Variants in PAK1 observed in about 807,000 individuals in gnomAD.
PAK1 encodes p21 (RAC1) activated kinase 1.
PAK1 carries 29 observed loss-of-function variants against 67.4 expected under a neutral mutation model. That is an observed-to-expected ratio of 0.43 (90% CI 0.32 to 0.59). PAK1 has a LOEUF of 0.59. PAK1 is among the 20% of genes least tolerant of loss of function. The probability of loss-of-function intolerance (pLI) is 0.07; values close to 1 mark genes in which losing one functional copy is unlikely to be tolerated. For missense variants in PAK1, 337 were observed against 670.7 expected, an observed-to-expected ratio of 0.50 and a Z score of 5.50; for synonymous variants, 223 against 237.4, an observed-to-expected ratio of 0.94 and a Z score of 0.56.
Position 77,379,317 on chromosome 11 carries a change from C to T in PAK1, c.363G>A (p.Pro121=), listed in dbSNP as rs56241912. Residue 121 remains proline (P), a synonymous_variant, in exon 4 of 15, where the codon CCG becomes CCA. Transcript: ENST00000356341. ...NITKSEQKKN[P]QAVLDVLEFY... is the part of the protein sequence containing the mutation. ...ACTCCAACACATCCAGAACAGCCTG[C>T]GGGTTTTTCTTCTGCTCCGACTTAG... 5.1e-5 allele frequency: 83 copies of T among 1,613,794 alleles called. No individual in the cohort carries two copies. The highest frequency in any genetic ancestry group is 1.7e-4 in the Middle Eastern group (1 of 6,022).
intron 2 of PAK1, among the ~76,000 whole-genome samples, chr11:77,389,323 A>G (rs1331382689): frequency 1.3e-5 from 2 of 152,172 alleles, no homozygotes; most frequent in African/African-American, 2.4e-5. Flanking sequence ...TTATTTATCT[A>G]TTCATCAGCT....
chr11:77,470,162 T>C (rs1024823478), intron 1 of PAK1, among the ~76,000 whole-genome samples: 1 of 152,198 alleles, frequency 6.6e-6, no homozygotes, highest in African/African-American at 2.4e-5. Flanking sequence ...AACAACAGAA[T>C]TAATGTCTCA....
In PAK1 at chr11:77,380,010, G is replaced by T. The variant is rs776819418; in HGVS notation, c.191-16C>A. ...TTTTTATTTGCTGCAAGAGAAACAG[G>T]CAAAAGGAAATAAAAAACAGGAACA... is the stretch of plus-strand genomic sequence containing the variant. On this transcript the variant is annotated splice_polypyrimidine_tract_variant and intron_variant, in intron 2 of 14. Coordinates refer to ENST00000356341, the MANE Select transcript of PAK1 (RefSeq NM_002576.5). 2 of 1,578,974 alleles carry T rather than the reference G, an allele frequency of 1.3e-6. No homozygotes were observed. The highest frequency in any genetic ancestry group is 3.4e-5 in the Admixed American group (2 of 59,316).
At chr11:77,431,381 G>A (rs960386230) in intron 1 of PAK1, among the ~76,000 whole-genome samples, 2 of 152,090 alleles carry the variant, frequency 1.3e-5, no homozygotes, top group Non-Finnish European at 2.9e-5. Context: ...CTAAGGAACC[G>A]AAGTATGAAC....
rs1555152802 is a variant in PAK1 at position 77,365,270 on chromosome 11, A to AAG, written c.478-6254_478-6253insCT. On this transcript the variant is annotated intron_variant, in intron 5 of 14. Transcript: ENST00000356341. ...CTGTCTCAAAAAAAAAAAAAAAAAG[A>AAG]AAAAAGAAAAAAGAAAATGGACCCA... is the stretch of plus-strand genomic sequence containing the variant. Among the ~76,000 whole-genome samples the AAG allele has an allele frequency of 7.8e-3, 858 of 109,442 alleles. 67 individuals are homozygous for AAG. The highest frequency in any genetic ancestry group is 0.025 in the African/African-American group (749 of 29,856). 71.8% of individuals were successfully genotyped at this position (109,442 alleles called of 152,430 possible). A position where few individuals can be genotyped will look rare whatever the true frequency, so the allele number is the denominator to read the frequency against.
At chr11:77,349,312 G>T in intron 8 of PAK1, 25 bp from the exon 9 acceptor site, 1 of 1,580,440 alleles carries the variant, frequency 6.3e-7, no homozygotes, top group Non-Finnish European at 8.6e-7. Context: ...GGCGGAGAAA[G>T]AGGGAAAAAA....
chr11:77,490,146 G>C, the PAK1 span, among the ~76,000 whole-genome samples: 11 of 148,370 alleles, frequency 7.4e-5, no homozygotes, highest in Admixed American at 1.3e-4. Context: ...TGGCCGCCCC[G>C]TCTGAGAAGT....
the PAK1 span, among the ~76,000 whole-genome samples, chr11:77,502,972 A>G: frequency 1.3e-5 from 2 of 152,160 alleles, no homozygotes; most frequent in East Asian, 3.9e-4. Context: ...GAAAAAAATT[A>G]ACTTATGGAG....
chr11:77,512,073 C>T, the PAK1 span, among the ~76,000 whole-genome samples: 4 of 152,064 alleles, frequency 2.6e-5, no homozygotes, highest in Non-Finnish European at 5.9e-5. Context: ...GTCGATACTG[C>T]TAACATGGGA....
chr11:77,476,290 C>T (rs1958060930), upstream of PAK1: 1 of 152,216 alleles, frequency 6.6e-6, no homozygotes, highest in Admixed American at 6.5e-5. Context: ...TGTTGTTATC[C>T]TCACCCATCT....
In PAK1 at chr11:77,468,093, T is replaced by C. The variant is rs538121893; in HGVS notation, c.-22+5459A>G. Among the ~76,000 whole-genome samples the C allele has an allele frequency of 2.0e-3, 312 of 152,334 alleles. 3 individuals carry two copies. Among genetic ancestry groups the C allele is most frequent in the African/African-American group, 7.2e-3 (298 of 41,580 alleles). Reference sequence around the variant, plus strand: ...GATTCTATAAATTAGAAAATGCTCTTGCCAGCCTCAGTTAGTACTTAACAG... The same window carrying C: ...GATTCTATAAATTAGAAAATGCTCTCGCCAGCCTCAGTTAGTACTTAACAG... On this transcript the variant is annotated intron_variant, in intron 1 of 14. Transcript: ENST00000356341.
the PAK1 span, among the ~76,000 whole-genome samples, chr11:77,509,406 A>G: frequency 2.6e-4 from 39 of 152,076 alleles, no homozygotes; most frequent in Admixed American, 2.6e-3. Flanking sequence ...CCATTATAAA[A>G]TGTGATGTTC....
chr11:77,496,590 G>A, the PAK1 span, among the ~76,000 whole-genome samples: 4 of 151,816 alleles, frequency 2.6e-5, no homozygotes, highest in Non-Finnish European at 5.9e-5. Flanking sequence ...CTCCAGCCTG[G>A]ATAACAGAGC....
intron 9 of PAK1, among the ~76,000 whole-genome samples, chr11:77,344,877 C>G (rs1178141791): frequency 6.6e-6 from 1 of 152,128 alleles, no homozygotes; most frequent in Non-Finnish European, 1.5e-5. Context: ...CATGATCTGG[C>G]CCCTACTTTA....
intron 13 of PAK1, among the ~76,000 whole-genome samples, chr11:77,333,194 C>CTTTT (rs886805892): frequency 9.9e-4 from 126 of 127,128 alleles, no homozygotes; most frequent in Non-Finnish European, 1.4e-3. Flanking sequence ...TCTTCTTCTT[C>CTTTT]TTTTTTTTTT....
At chr11:77,394,398 C>G (rs1484001346) in intron 1 of PAK1, among the ~76,000 whole-genome samples, 1 of 152,034 alleles carries the variant, frequency 6.6e-6, no homozygotes, top group Non-Finnish European at 1.5e-5. Flanking sequence ...CCGCTTTAGG[C>G]ATCAATTACT....
intron 1 of PAK1, among the ~76,000 whole-genome samples, chr11:77,428,786 T>A (rs1413252749): frequency 6.6e-6 from 1 of 151,462 alleles, no homozygotes; most frequent in East Asian, 2.0e-4. Context: ...AAGGAAGGCA[T>A]CCGTATCAGG....
At chr11:77,528,296 C>T in the PAK1 span, among the ~76,000 whole-genome samples, 5 of 151,730 alleles carry the variant, frequency 3.3e-5, no homozygotes, top group Non-Finnish European at 5.9e-5. Context: ...ATCCAATCCA[C>T]GTAATTTTCC....
upstream of PAK1, chr11:77,475,170 C>G (rs1472739990): frequency 6.6e-6 from 1 of 152,172 alleles, no homozygotes; most frequent in Non-Finnish European, 1.5e-5. Context: ...ATGGGCCACC[C>G]ATTCAACAAT....
Sources: allele counts gnomAD v4.1 joint callset (sites outside exome capture counted in the v4.1 genomes callset), GRCh38; gene constraint gnomAD v4.1.1; transcripts MANE v1.5; gene names NCBI Gene and HGNC (gene_info 2026-07-23, HGNC 2026-07-21).